ADCY3: variants seen among roughly 807,000 people sequenced by gnomAD.
ADCY3 encodes adenylate cyclase type 3.
Under a neutral mutation model 119.4 loss-of-function variants are expected in ADCY3, and 70 were observed. The ratio of observed to expected loss-of-function variants is 0.59; its 90% confidence interval spans 0.48 to 0.72. The LOEUF is 0.72. Among genes scored for constraint, ADCY3 ranks in the 30% least tolerant of loss-of-function variants. The pLI is 0.00. For synonymous variants in ADCY3, 672 were observed against 621.4 expected, an observed-to-expected ratio of 1.08 and a Z score of -1.21; for missense variants, 1,238 against 1,541.6, an observed-to-expected ratio of 0.80 and a Z score of 3.30.
chr2:24,858,076 G>A (rs1198183850), intron 3 of ADCY3, among the ~76,000 whole-genome samples: 2 of 146,508 alleles, frequency 1.4e-5, no homozygotes, highest in African/African-American at 5.2e-5. Context: ...ACAGCTCACT[G>A]CACACTGATC....
chr2:24,871,735 T>A (rs1056828284), intron 3 of ADCY3, among the ~76,000 whole-genome samples: 9 of 152,248 alleles, frequency 5.9e-5, no homozygotes, highest in Admixed American at 5.2e-4. Flanking sequence ...AGTTTGTTTT[T>A]GAAGGGGAAA....
Position 24,919,214 on chromosome 2 carries a change from C to A in ADCY3, c.-197-30G>T. 1.8e-6 allele frequency: 1 copy of A among 555,392 alleles called. No individual in the cohort carries two copies. Among genetic ancestry groups the A allele is most frequent in the South Asian group, 2.2e-5 (1 of 46,436 alleles). 34.4% of individuals were successfully genotyped at this position (555,392 alleles called of 1,614,324 possible). A position where few individuals can be genotyped will look rare whatever the true frequency, so the allele number is the denominator to read the frequency against. ...AAAGGGCATTGCTGAGTAGAAGCAC[C>A]TCTTCCCTCCTACCTTGCGGTTTCC... On this transcript the variant is annotated intron_variant, in intron 1 of 21. Transcript: ENST00000679454. The surrounding 1 kb of genome is among the most constrained non-coding windows in gnomAD (Gnocchi z 5.5).
chr2:24,870,318 T>C (rs1305987038), intron 3 of ADCY3, among the ~76,000 whole-genome samples: 3 of 94,088 alleles, frequency 3.2e-5, no homozygotes, highest in African/African-American at 4.7e-5. Context: ...CAAGACTCCA[T>C]GTCAAAAAAA....
At chr2:24,873,153 G>A (rs1336279972) in intron 2 of ADCY3, among the ~76,000 whole-genome samples, 1 of 152,250 alleles carries the variant, frequency 6.6e-6, no homozygotes, top group African/African-American at 2.4e-5. Context: ...TGTTGGTAAG[G>A]AGGGTGCACA....
chr2:24,834,597 C>T lies in ADCY3; in HGVS notation c.1855G>A (p.Glu619Lys), dbSNP rs539559641. The change falls in exon 11 of 22, where the codon GAG becomes AAG. Residue 619 changes from glutamate to lysine, a missense_variant. Transcript: ENST00000679454. This position sits in a 1 kb window ranked among gnomAD's most constrained non-coding sequence, Gnocchi z 4.2. ...TCCACCGAGTAGCGGGTTTCCATCT[C>T]GGGGTCCATGAACCGCATGGACAAG... ...FLLSMRFMDP[E>K]METRYSVEKE... 10 of 1,614,142 alleles carry T rather than the reference C, an allele frequency of 6.2e-6. No individual in the cohort carries two copies. The highest frequency in any genetic ancestry group is 4.5e-5 in the East Asian group (2 of 44,876).
chr2:24,827,397 G>A, intron 15 of ADCY3, 149 bp downstream of exon 15: 1 of 786,336 alleles, frequency 1.3e-6, no homozygotes. Context: ...CAGCCCTCCT[G>A]GAGGAACCCA....
chr2:24,865,974 A>C (rs1674236042), intron 3 of ADCY3, among the ~76,000 whole-genome samples: 1 of 152,192 alleles, frequency 6.6e-6, no homozygotes, highest in Non-Finnish European at 1.5e-5. Flanking sequence ...AAGGATTCCA[A>C]GGCAGAGAGA....
At chr2:24,838,709 G>A (rs2289087) in intron 7 of ADCY3, 87 bp from the exon 8 acceptor site, 41,709 of 1,590,506 alleles carry the variant, frequency 0.026, 829 homozygotes, top group East Asian at 0.073. Flanking sequence ...CGGCTGCACC[G>A]GCTGCTGCTC....
intron 3 of ADCY3, among the ~76,000 whole-genome samples, chr2:24,856,305 GGTGTGTCCAT>G (rs1354515889): frequency 6.6e-6 from 1 of 152,166 alleles, no homozygotes; most frequent in African/African-American, 2.4e-5. Context: ...CTGTAGGGTA[GGTGTGTCCAT>G]GTGTGTTCAT....
At chr2:24,861,165 C>T (rs962065699) in intron 3 of ADCY3, among the ~76,000 whole-genome samples, 10 of 150,350 alleles carry the variant, frequency 6.7e-5, no homozygotes, top group Admixed American at 3.3e-4. Context: ...GCAGGAGAAT[C>T]GCTTGAACCT....
rs1478880654 is a variant in ADCY3, at chr2:24,872,778, G to A, written c.676-59C>T. The A allele has an allele frequency of 6.3e-7, 1 of 1,585,252 alleles. No homozygotes were observed. The highest frequency in any genetic ancestry group is 1.3e-5 in the African/African-American group (1 of 74,178). ...GGGTGAAGGCACGTCTTCAGAAAAG[G>A]GGATGGAGAAGGGGATGGAGGAGGT... On this transcript the variant is annotated intron_variant, in intron 2 of 21. Transcript: ENST00000679454. This position sits in a 1 kb window ranked among gnomAD's most constrained non-coding sequence, Gnocchi z 4.4.
At chr2:24,853,523 G>A (rs749346693) in intron 3 of ADCY3, among the ~76,000 whole-genome samples, 4 of 140,266 alleles carry the variant, frequency 2.9e-5, no homozygotes, top group African/African-American at 8.2e-5. Flanking sequence ...AGGCTGGAGT[G>A]CAATGGTGCG....
intron 9 of ADCY3, among the ~76,000 whole-genome samples, chr2:24,835,166 C>G (rs111899939): frequency 3.3e-5 from 5 of 152,210 alleles, no homozygotes; most frequent in African/African-American, 2.4e-5. Context: ...CCGGGCCCCC[C>G]ACCCAGAGCT....
chr2:24,823,468 A>G lies in ADCY3; in HGVS notation c.2737-113T>C. 8 of 1,180,906 alleles carry G rather than the reference A, an allele frequency of 6.8e-6. No homozygotes were observed. In the South Asian group the frequency reaches 1.1e-4, roughly 17 times the overall value. 73.2% of individuals were successfully genotyped at this position (1,180,906 alleles called of 1,614,324 possible). A position where few individuals can be genotyped will look rare whatever the true frequency, so the allele number is the denominator to read the frequency against. On this transcript the variant is annotated intron_variant, in intron 17 of 21. Coordinates refer to ENST00000679454, the MANE Select transcript of ADCY3 (RefSeq NM_004036.5). ...CATGTGCACTCAGCTTTTTGGACTC[A>G]CACATCAGTCAGATTATTCCAGCAT...
intron 2 of ADCY3, among the ~76,000 whole-genome samples, chr2:24,890,449 G>A (rs1471386879): frequency 2.6e-5 from 4 of 152,180 alleles, no homozygotes; most frequent in Non-Finnish European, 1.5e-5. Flanking sequence ...AACCATCTGA[G>A]GCTGGGGTTT....
intron 17 of ADCY3, among the ~76,000 whole-genome samples, chr2:24,823,797 G>A (rs1430449754): frequency 2.0e-5 from 3 of 151,402 alleles, no homozygotes; most frequent in Non-Finnish European, 4.4e-5. Flanking sequence ...GTTCAAGTGA[G>A]TCTCCTGTCT....
At chr2:24,903,394 T>G (rs762677018) in intron 2 of ADCY3, among the ~76,000 whole-genome samples, 4 of 152,118 alleles carry the variant, frequency 2.6e-5, no homozygotes, top group Non-Finnish European at 4.4e-5. Flanking sequence ...TGTCTCGATC[T>G]CCTCAGAGAA....
chr2:24,831,229 T>TCA (rs1669450993), intron 12 of ADCY3, among the ~76,000 whole-genome samples: 1 of 90,700 alleles, frequency 1.1e-5, no homozygotes, highest in Non-Finnish European at 2.5e-5. Flanking sequence ...GTCATTCTGA[T>TCA]TAAAAAAAAA....
intron 2 of ADCY3, among the ~76,000 whole-genome samples, chr2:24,911,143 T>C (rs531609496): frequency 6.6e-6 from 1 of 151,826 alleles, no homozygotes; most frequent in South Asian, 2.1e-4. Flanking sequence ...CTTCTAATGC[T>C]TGTGGGTTGA....
Sources: gnomAD v4.1 joint callset for allele counts (sites outside exome capture counted in the v4.1 genomes callset) on GRCh38, gnomAD v4.1.1 for gene constraint, Gnocchi (gnomAD v3.1) non-coding constraint, MANE v1.5 for transcripts, NCBI Gene and HGNC (gene_info 2026-07-23, HGNC 2026-07-21) for gene names.